RGS3: variants seen among roughly 807,000 people sequenced by gnomAD.
RGS3 encodes the protein regulator of G-protein signalling 3.
A neutral mutation model predicts 132.6 loss-of-function variants in RGS3; 80 were observed. The observed-to-expected ratio is 0.60, with a 90% CI of 0.50 to 0.73. RGS3 has a LOEUF of 0.73. Ranked by LOEUF, RGS3 falls within the 30% of genes least tolerant of loss-of-function variation. The pLI, the probability that RGS3 is intolerant of heterozygous loss-of-function variation, is 0.00. For synonymous variants in RGS3, 598 were observed against 620.6 expected (o/e 0.96, Z 0.54); for missense variants, 1,382 against 1,530.8 (o/e 0.90, Z 1.62).
At chr9:113,486,063 A>G (rs986794619) in intron 7 of RGS3, among the ~76,000 whole-genome samples, 1 of 152,196 alleles carries the variant, frequency 6.6e-6, no homozygotes, top group Non-Finnish European at 1.5e-5. Flanking sequence ...ACAGGACTCT[A>G]AGCACCTTGA....
At chr9:113,529,929 A>G (rs1818159795) in intron 18 of RGS3, among the ~76,000 whole-genome samples, 1 of 152,246 alleles carries the variant, frequency 6.6e-6, no homozygotes, top group African/African-American at 2.4e-5. Context: ...AATATCATTA[A>G]GGCTGGGGTT....
intron 14 of RGS3, among the ~76,000 whole-genome samples, chr9:113,510,534 G>C (rs1394870360): frequency 2.6e-5 from 4 of 152,174 alleles, no homozygotes; most frequent in African/African-American, 9.7e-5. Flanking sequence ...CGTGGAGGAG[G>C]GGGGCTGGAG....
chr9:113,526,042 G>C (rs986308304), intron 17 of RGS3, among the ~76,000 whole-genome samples: 1 of 152,222 alleles, frequency 6.6e-6, no homozygotes, highest in Non-Finnish European at 1.5e-5. Flanking sequence ...GAACATCTCC[G>C]GTCAGCCGGG....
At chr9:113,480,042 AAGT>A (rs1294774314) in intron 4 of RGS3, among the ~76,000 whole-genome samples, 1 of 152,196 alleles carries the variant, frequency 6.6e-6, no homozygotes, top group Non-Finnish European at 1.5e-5. Flanking sequence ...CTCATCTGTC[AAGT>A]AGTGGTGGTA....
chr9:113,460,530 A>C (rs967796734), intron 1 of RGS3, among the ~76,000 whole-genome samples: 1 of 152,166 alleles, frequency 6.6e-6, no homozygotes, highest in Non-Finnish European at 1.5e-5. Context: ...CCAAAAAAAA[A>C]AAAATTTTTT....
At chr9:113,588,812 T>C (rs1282682133) in intron 20 of RGS3, among the ~76,000 whole-genome samples, 1 of 152,224 alleles carries the variant, frequency 6.6e-6, no homozygotes, top group Non-Finnish European at 1.5e-5. Context: ...TTGAGGGAAG[T>C]CCGGTTATTA....
intron 1 of RGS3, among the ~76,000 whole-genome samples, chr9:113,445,959 G>A (rs1044353100): frequency 1.3e-5 from 2 of 152,178 alleles, no homozygotes; most frequent in Non-Finnish European, 1.5e-5. Context: ...GATTACAGGC[G>A]TGACCCACCG....
rs557784495 is a variant in RGS3 at position 113,536,515 on chromosome 9, CCTG to C, written c.1915-278_1915-276del. The C allele has an allele frequency of 5.7e-4, 677 of 1,185,274 alleles. 3 individuals are homozygous for C. The African/African-American group carries it at 8.4e-3, about 15-fold the overall frequency. 73.4% of individuals were successfully genotyped at this position (1,185,274 alleles called of 1,614,324 possible). A position where few individuals can be genotyped will look rare whatever the true frequency, so the allele number is the denominator to read the frequency against. On this transcript the variant is annotated intron_variant, in intron 18 of 24. Transcript: ENST00000350696. ...CTGGGGGTGACCTCATCGGCTCTGT[CCTG>C]CTCTCCACAGGCCTCTGCTGTGTTG...
chr9:113,463,692 G>A lies in RGS3; in HGVS notation c.415+1491G>A. On this transcript the variant is annotated intron_variant, in intron 3 of 24. Transcript: ENST00000350696. This position sits in a 1 kb window ranked among gnomAD's most constrained non-coding sequence, Gnocchi z 4.6. ...CGCCCTGGCCGTTCCAACGCTTGGG[G>A]CAGCCCTACCTCCCGCTCGCGCTCC... is the stretch of plus-strand genomic sequence containing the variant. 1.4e-6 allele frequency: 2 copies of A among 1,421,272 alleles called. No individual in the cohort carries two copies. The highest frequency in any genetic ancestry group is 1.8e-6 in the Non-Finnish European group (2 of 1,090,188). 88.0% of individuals were successfully genotyped at this position (1,421,272 alleles called of 1,614,324 possible).
exon 4 of RGS3, chr9:113,479,526 G>A (rs1365263626): frequency 4.3e-6 from 7 of 1,614,062 alleles, no homozygotes; most frequent in African/African-American, 4.0e-5. Flanking sequence ...CCAGGACCGG[G>A]TTCTGCTGCT....
chr9:113,517,565 C>A (rs770237002), exon 16 of RGS3: 2 of 1,613,472 alleles, frequency 1.2e-6, no homozygotes, highest in Non-Finnish European at 1.7e-6. Context: ...TAATCCTGCC[C>A]GGACCCTCCT....
chr9:113,532,483 A>G (rs780653972), intron 18 of RGS3, among the ~76,000 whole-genome samples: 1 of 152,132 alleles, frequency 6.6e-6, no homozygotes, highest in Non-Finnish European at 1.5e-5. Flanking sequence ...CTAGTATTAC[A>G]GCTTCAAGCT....
rs1835404988 is a variant in RGS3, at chr9:113,591,210, C to CG, written c.3016-120dup. The stretch of plus-strand genomic sequence containing the variant: ...GTTTCCCTCCCTCACCTGTGTGCCG[C>CG]GGGTGGGGGCTTTGGGGATGGAAGG... On this transcript the variant is annotated intron_variant, in intron 20 of 24. Coordinates refer to ENST00000350696, the Ensembl canonical transcript of RGS3. The surrounding 1 kb of genome is among the most constrained non-coding windows in gnomAD (Gnocchi z 4.4). The CG allele has an allele frequency of 2.1e-5, 17 of 806,140 alleles. No homozygotes were observed. The South Asian group carries it at 2.5e-4, about 12-fold the overall frequency. The allele number at this position is 806,140 out of a possible 1,614,324, so 49.9% of individuals were successfully genotyped here.
chr9:113,513,842 G>T (rs1831514152), intron 14 of RGS3, among the ~76,000 whole-genome samples: 1 of 152,184 alleles, frequency 6.6e-6, no homozygotes, highest in African/African-American at 2.4e-5. Context: ...GCTACAGAGG[G>T]AGGACTCCAG....
chr9:113,450,158 T>C (rs1829208253), intron 1 of RGS3, among the ~76,000 whole-genome samples: 1 of 152,018 alleles, frequency 6.6e-6, no homozygotes, highest in Non-Finnish European at 1.5e-5. Flanking sequence ...CAACCTCGCC[T>C]CCCGGGTTCA....
intron 5 of RGS3, 79 bp downstream of exon 3, chr9:113,483,196 C>G: frequency 1.0e-6 from 1 of 983,226 alleles, no homozygotes; most frequent in Non-Finnish European, 1.6e-6. Flanking sequence ...TCCCAGCACA[C>G]CTGTGGGGCT....
intron 23 of RGS3, 197 bp from the exon 22 acceptor site, chr9:113,595,402 G>A (rs1489806696): frequency 8.4e-6 from 5 of 597,086 alleles, no homozygotes; most frequent in Non-Finnish European, 1.5e-5. Context: ...CATAGAGAGG[G>A]GGAGACCCCA....
At chr9:113,529,221 G>T in exon 18 of RGS3, 3 of 1,612,840 alleles carry the variant, frequency 1.9e-6, no homozygotes, top group African/African-American at 1.3e-5. Flanking sequence ...TCCCTCAAAG[G>T]TTCTTCAGAA....
intron 6 of RGS3, 56 bp from the exon 5 acceptor site, chr9:113,485,569 C>T: frequency 7.2e-7 from 1 of 1,391,724 alleles, no homozygotes; most frequent in African/African-American, 1.4e-5. Context: ...TATGAGTCAG[C>T]TATGGCCTGG....
Sources: allele counts gnomAD v4.1 joint callset (sites outside exome capture counted in the v4.1 genomes callset), GRCh38; gene constraint gnomAD v4.1.1; non-coding constraint Gnocchi (gnomAD v3.1); transcripts MANE v1.5; gene names NCBI Gene and HGNC (gene_info 2026-07-23, HGNC 2026-07-21).